ABLIM1: variants seen among roughly 807,000 people sequenced by gnomAD.
ABLIM1 encodes actin binding LIM protein 1.
Under a neutral mutation model 107.0 loss-of-function variants are expected in ABLIM1, and 40 were observed. That is an observed-to-expected ratio of 0.37 (90% CI 0.29 to 0.49). ABLIM1 has a LOEUF of 0.49. ABLIM1 is among the 20% of genes least tolerant of loss of function. The pLI, the probability that ABLIM1 is intolerant of heterozygous loss-of-function variation, is 0.97. For synonymous variants in ABLIM1, 357 were observed against 357.3 expected, an observed-to-expected ratio of 1.00 and a Z score of 0.01; for missense variants, 857 against 1,008.5, an observed-to-expected ratio of 0.85 and a Z score of 2.04.
At chr10:114,759,195 G>T (rs527249607) in intron 1 of ABLIM1, among the ~76,000 whole-genome samples, 32 of 152,070 alleles carry the variant, frequency 2.1e-4, no homozygotes, top group South Asian at 1.5e-3. Context: ...ATTTTTTAAC[G>T]GGCAATTTCC....
intron 22 of ABLIM1, among the ~76,000 whole-genome samples, chr10:114,437,322 T>C (rs2059559014): frequency 8.7e-6 from 1 of 114,434 alleles, no homozygotes; most frequent in African/African-American, 3.4e-5. Flanking sequence ...TCTTTCTTTC[T>C]TTTTTTTTTT....
chr10:114,442,765 C>A (rs928569134), intron 17 of ABLIM1, among the ~76,000 whole-genome samples: 2 of 152,168 alleles, frequency 1.3e-5, no homozygotes, highest in African/African-American at 2.4e-5. Context: ...CTAATAACAA[C>A]CACATCTACT....
At chr10:114,539,083 C>T (rs1401923669) in intron 6 of ABLIM1, among the ~76,000 whole-genome samples, 4 of 152,178 alleles carry the variant, frequency 2.6e-5, no homozygotes, top group East Asian at 3.9e-4. Context: ...TGGGGCTGGG[C>T]GCAGTGGCTC....
At chr10:114,532,438 G>A (rs934967362) in intron 6 of ABLIM1, among the ~76,000 whole-genome samples, 1 of 152,204 alleles carries the variant, frequency 6.6e-6, no homozygotes, top group Non-Finnish European at 1.5e-5. Flanking sequence ...CCCAAGGCGG[G>A]AAGCCACGAG....
At chr10:114,584,792 A>G (rs1045534558) in intron 2 of ABLIM1, among the ~76,000 whole-genome samples, 1 of 152,334 alleles carries the variant, frequency 6.6e-6, no homozygotes, top group South Asian at 2.1e-4. Context: ...GGCATTTGAG[A>G]GTTTGTATTT....
intron 1 of ABLIM1, among the ~76,000 whole-genome samples, chr10:114,697,147 T>C (rs923921366): frequency 3.9e-5 from 6 of 152,180 alleles, no homozygotes; most frequent in Non-Finnish European, 5.9e-5. Context: ...CCTTCTCATT[T>C]CTGCTCCATG....
chr10:114,555,990 T>C (rs965473955), intron 4 of ABLIM1, among the ~76,000 whole-genome samples: 1 of 152,222 alleles, frequency 6.6e-6, no homozygotes, highest in Non-Finnish European at 1.5e-5. Context: ...GGAATAAGAC[T>C]TTGGAGACCT....
At chr10:114,688,989 T>C (rs1245336205), upstream of ABLIM1, among the ~76,000 whole-genome samples, 1 of 152,196 alleles carries the variant, frequency 6.6e-6, no homozygotes, top group Non-Finnish European at 1.5e-5. Flanking sequence ...AAGAATCATT[T>C]TTCTGAGTCA....
At chr10:114,483,736 A>G (rs1261899900) in intron 8 of ABLIM1, among the ~76,000 whole-genome samples, 1 of 152,246 alleles carries the variant, frequency 6.6e-6, no homozygotes, top group Non-Finnish European at 1.5e-5. Flanking sequence ...TCCTTAGCGC[A>G]GTTCTGACAG....
At chr10:114,715,005 G>A (rs2081630894) in intron 1 of ABLIM1, among the ~76,000 whole-genome samples, 1 of 152,090 alleles carries the variant, frequency 6.6e-6, no homozygotes, top group Non-Finnish European at 1.5e-5. Context: ...AAGGAAGAAG[G>A]AGAGAAGGAA....
rs576381484 is a variant in ABLIM1 at position 114,640,558 on chromosome 10, C to A, written c.244+17399G>T. Among the ~76,000 whole-genome samples the A allele has an allele frequency of 9.4e-3, 1,431 of 151,868 alleles. 19 individuals are homozygous for A. The highest frequency in any genetic ancestry group is 0.032 in the African/African-American group (1,322 of 41,344). ...AACAAACCAACAACAACAACAACAA[C>A]AACAACAAAAAACAGTTGAGTCAGA... On this transcript the variant is annotated intron_variant, in intron 1 of 22. Transcript: ENST00000533213.
intron 6 of ABLIM1, chr10:114,526,727 C>T: frequency 1.0e-6 from 1 of 985,532 alleles, no homozygotes; most frequent in South Asian, 4.7e-5. Context: ...CTCCTCCAGG[C>T]TTCAAGTTCA....
intron 4 of ABLIM1, among the ~76,000 whole-genome samples, chr10:114,571,023 G>T (rs10885584): frequency 0.18 from 26,884 of 152,084 alleles, 3,338 homozygotes; most frequent in East Asian, 0.56. Context: ...GCTGATGCTC[G>T]TCATCTCCTG....
At chr10:114,662,770 G>T (rs111993919), upstream of ABLIM1, among the ~76,000 whole-genome samples, 620 of 152,280 alleles carry the variant, frequency 4.1e-3, 5 homozygotes, top group African/African-American at 0.015. Flanking sequence ...GAGCATTCAG[G>T]ATTGAGAGCA....
At chr10:114,588,038 T>C (rs2074386946) in intron 2 of ABLIM1, among the ~76,000 whole-genome samples, 1 of 152,208 alleles carries the variant, frequency 6.6e-6, no homozygotes, top group Non-Finnish European at 1.5e-5. Context: ...AGAGATCACG[T>C]CTGTATATAA....
chr10:114,731,358 T>G (rs1218240263), intron 1 of ABLIM1, among the ~76,000 whole-genome samples: 2 of 152,046 alleles, frequency 1.3e-5, no homozygotes, highest in Non-Finnish European at 2.9e-5. Context: ...CCCAGGCTAG[T>G]CTTGAACTCC....
chr10:114,599,702 G>A (rs1183109588), intron 2 of ABLIM1, among the ~76,000 whole-genome samples: 2 of 151,978 alleles, frequency 1.3e-5, no homozygotes, highest in East Asian at 3.8e-4. Context: ...CAGGAGAATT[G>A]CTTGAACCTA....
chr10:114,491,734 G>T, intron 7 of ABLIM1, 57 bp downstream of exon 7: 2 of 1,469,880 alleles, frequency 1.4e-6, no homozygotes, highest in Non-Finnish European at 1.9e-6. Flanking sequence ...AACAAACATA[G>T]CAAGATTTCC....
chr10:114,649,440 T>G (rs1408357031), intron 1 of ABLIM1, among the ~76,000 whole-genome samples: 2 of 149,690 alleles, frequency 1.3e-5, no homozygotes, highest in Non-Finnish European at 3.0e-5. Context: ...AATAAATAAA[T>G]AAATAAATAA....
Sources: gnomAD v4.1 joint callset for allele counts (sites outside exome capture counted in the v4.1 genomes callset) on GRCh38, gnomAD v4.1.1 for gene constraint, MANE v1.5 for transcripts, NCBI Gene and HGNC (gene_info 2026-07-23, HGNC 2026-07-21) for gene names.